Variants in SEMA5A observed in about 807,000 individuals in gnomAD.
SEMA5A encodes semaphorin 5A, also known as semaphorin-5A.
Under a neutral mutation model 135.5 loss-of-function variants are expected in SEMA5A, and 55 were observed. The observed-to-expected ratio is 0.41, with a 90% CI of 0.33 to 0.51. The LOEUF (loss-of-function observed/expected upper bound fraction) is 0.51. Ranked by LOEUF, SEMA5A falls within the 20% of genes least tolerant of loss-of-function variation. The pLI is 0.37. For missense variants in SEMA5A, 1,290 were observed against 1,419.9 expected (o/e 0.91, Z 1.47); for synonymous variants, 580 against 546.5 (o/e 1.06, Z -0.85).
At chr5:9,414,696 C>A (rs1304121013) in intron 2 of SEMA5A, among the ~76,000 whole-genome samples, 1 of 152,172 alleles carries the variant, frequency 6.6e-6, no homozygotes, top group African/African-American at 2.4e-5. Flanking sequence ...GTATCATTCA[C>A]AAGTAAGAGA....
chr5:9,221,680 G>A (rs576202208), intron 8 of SEMA5A, among the ~76,000 whole-genome samples: 1 of 152,192 alleles, frequency 6.6e-6, no homozygotes, highest in African/African-American at 2.4e-5. Flanking sequence ...AAAGATAATG[G>A]ATAAGGCAGA....
rs574174019 is a variant in SEMA5A at position 9,473,452 on chromosome 5, C to T, written c.-174-35600G>A. Among the ~76,000 whole-genome samples the T allele has an allele frequency of 4.0e-5, 6 of 148,616 alleles. No homozygotes were observed. In the East Asian group the frequency reaches 1.2e-3, roughly 30 times the overall value. ...CCATGTAGACCCTGGTTCTGTGACCCTGGTTCTGACTCTCCAGGAACAGCC... is the reference window on the plus strand; with the variant it reads ...CCATGTAGACCCTGGTTCTGTGACCTTGGTTCTGACTCTCCAGGAACAGCC... On this transcript the variant is annotated intron_variant, in intron 1 of 22. Transcript: ENST00000382496.
chr5:9,112,950 C>T lies in SEMA5A; in HGVS notation c.1926-4663G>A, dbSNP rs563669743. The stretch of plus-strand genomic sequence containing the variant: ...GACCCAGTTGTCAAGGAATTGAGGG[C>T]AGCCTCTGGCTAACAGCCAGCAAGA... On this transcript the variant is annotated intron_variant, in intron 15 of 22. Transcript: ENST00000382496. Among the ~76,000 whole-genome samples the T allele has an allele frequency of 2.0e-5, 3 of 152,340 alleles. No individual in the cohort carries two copies. In the South Asian group the frequency reaches 6.2e-4, roughly 32 times the overall value.
chr5:9,528,996 A>C (rs548241245), intron 1 of SEMA5A, among the ~76,000 whole-genome samples: 1 of 152,270 alleles, frequency 6.6e-6, no homozygotes, highest in African/African-American at 2.4e-5. Context: ...TGGTGATTTT[A>C]TTTGTAGGAC....
chr5:9,249,817 G>C, intron 5 of SEMA5A, among the ~76,000 whole-genome samples: 1 of 152,150 alleles, frequency 6.6e-6, no homozygotes. Flanking sequence ...ATAAGTGGAA[G>C]AGTAGATGTT....
intron 13 of SEMA5A, among the ~76,000 whole-genome samples, chr5:9,129,359 C>T (rs374708942): frequency 9.8e-5 from 15 of 152,358 alleles, no homozygotes; most frequent in Non-Finnish European, 1.8e-4. Context: ...ACTTTAAGGG[C>T]AGCGTTTTCA....
chr5:9,108,057 G>C, intron 16 of SEMA5A, 83 bp downstream of exon 16: 1 of 1,488,504 alleles, frequency 6.7e-7, no homozygotes, highest in Non-Finnish European at 9.1e-7. Flanking sequence ...AGAACATCTA[G>C]TGTGTGCAGA....
At chr5:9,093,692 C>CAA (rs11386891) in intron 16 of SEMA5A, among the ~76,000 whole-genome samples, 78 of 146,688 alleles carry the variant, frequency 5.3e-4, no homozygotes, top group South Asian at 8.7e-4. Context: ...GACTCTGTCT[C>CAA]AAAAAAAAAC....
chr5:9,463,562 C>G (rs1759138982), intron 1 of SEMA5A, among the ~76,000 whole-genome samples: 1 of 152,026 alleles, frequency 6.6e-6, no homozygotes, highest in Non-Finnish European at 1.5e-5. Context: ...AAGCCAAAAT[C>G]TAAACCATAA....
chr5:9,389,000 C>T (rs529205670), intron 2 of SEMA5A, among the ~76,000 whole-genome samples: 3 of 152,264 alleles, frequency 2.0e-5, no homozygotes, highest in African/African-American at 4.8e-5. Context: ...AAAAGCAATG[C>T]TACCACAGTG....
At chr5:9,100,278 C>T (rs1162065585) in intron 16 of SEMA5A, among the ~76,000 whole-genome samples, 1 of 150,468 alleles carries the variant, frequency 6.6e-6, no homozygotes, top group African/African-American at 2.5e-5. Flanking sequence ...TGTAGATGTG[C>T]TTTTGGGGCC....
intron 2 of SEMA5A, among the ~76,000 whole-genome samples, chr5:9,427,658 G>C (rs1315349852): frequency 6.6e-6 from 1 of 152,170 alleles, no homozygotes; most frequent in Non-Finnish European, 1.5e-5. Context: ...TAGCTTCAGG[G>C]ATGTAAGGAA....
chr5:9,545,523 G>A lies in SEMA5A; in HGVS notation c.-175+61C>T, dbSNP rs140197996. On this transcript the variant is annotated intron_variant, in intron 1 of 22. Coordinates refer to ENST00000382496, the MANE Select transcript of SEMA5A (RefSeq NM_003966.3). The surrounding 1 kb of genome is among the most constrained non-coding windows in gnomAD (Gnocchi z 4.5). ...CGGGTCCCGGCCAGCGGCGCGGCGC[G>A]GCGCGGCGCGGTCAGGGGCTCCTGC... is the stretch of plus-strand genomic sequence containing the variant. 0.027 allele frequency: 4,177 copies of A among 152,276 alleles called. 71 individuals carry two copies. Among genetic ancestry groups the A allele is most frequent in the Non-Finnish European group, 0.042 (2,829 of 68,124 alleles). The allele number at this position is 152,276 out of a possible 1,614,324, so 9.4% of individuals were successfully genotyped here.
intron 6 of SEMA5A, among the ~76,000 whole-genome samples, chr5:9,229,725 C>CT (rs1747517685): frequency 6.7e-6 from 1 of 149,642 alleles, no homozygotes; most frequent in Non-Finnish European, 1.5e-5. Flanking sequence ...AAACTTTTTC[C>CT]TTTAAAAAAA....
intron 3 of SEMA5A, among the ~76,000 whole-genome samples, chr5:9,378,055 A>C (rs906344965): frequency 6.6e-6 from 1 of 152,244 alleles, no homozygotes; most frequent in African/African-American, 2.4e-5. Flanking sequence ...ACATGGATTA[A>C]AATACATCAA....
rs773281579 is a variant in SEMA5A, at chr5:9,122,855, G to A, written c.1600-18C>T. On this transcript the variant is annotated intron_variant, in intron 13 of 22. Coordinates refer to ENST00000382496, the MANE Select transcript of SEMA5A (RefSeq NM_003966.3). ...TTCCTGGTCTAGGAAGCAAAACCAA[G>A]CAGAGGTGTCAGAAAAGGTTAAAGC... 6.4e-7 allele frequency: 1 copy of A among 1,574,254 alleles called. No individual in the cohort carries two copies. Among genetic ancestry groups the A allele is most frequent in the Non-Finnish European group, 8.7e-7 (1 of 1,155,372 alleles).
At chr5:9,074,685 T>C (rs1737949105) in intron 16 of SEMA5A, among the ~76,000 whole-genome samples, 1 of 152,188 alleles carries the variant, frequency 6.6e-6, no homozygotes, top group Admixed American at 6.5e-5. Context: ...AAGATATGTA[T>C]AGGCATTTCA....
intron 1 of SEMA5A, among the ~76,000 whole-genome samples, chr5:9,467,330 T>A (rs1759299981): frequency 6.6e-6 from 1 of 152,102 alleles, no homozygotes; most frequent in East Asian, 1.9e-4. Flanking sequence ...GCCAGGCTTG[T>A]CTTGAACTGT....
intron 2 of SEMA5A, among the ~76,000 whole-genome samples, chr5:9,397,051 A>T (rs1257903180): frequency 3.7e-5 from 2 of 53,892 alleles, no homozygotes; most frequent in East Asian, 1.7e-3. Flanking sequence ...CAAGGAAGAC[A>T]AAAAAAAAAA....
Sources: allele counts gnomAD v4.1 joint callset (sites outside exome capture counted in the v4.1 genomes callset), GRCh38; gene constraint gnomAD v4.1.1; non-coding constraint Gnocchi (gnomAD v3.1); transcripts MANE v1.5; gene names NCBI Gene and HGNC (gene_info 2026-07-23, HGNC 2026-07-21).